QTMAN: variants seen among roughly 807,000 people sequenced by gnomAD.
The protein encoded by QTMAN is queuosine-tRNA mannosyltransferase.
At chr2:144,142,242 T>C in the QTMAN span, among the ~76,000 whole-genome samples, 2 of 151,960 alleles carry the variant, frequency 1.3e-5, no homozygotes, top group Admixed American at 6.6e-5. Flanking sequence ...TAGTGTTATA[T>C]CACAGGGAGT....
the QTMAN span, among the ~76,000 whole-genome samples, chr2:144,184,397 C>T: frequency 6.6e-6 from 1 of 152,054 alleles, no homozygotes; most frequent in African/African-American, 2.4e-5. Flanking sequence ...ACAATATTTG[C>T]TCATAATTCC....
chr2:143,946,825 C>T, the QTMAN span: 7 of 528,502 alleles, frequency 1.3e-5, no homozygotes, highest in South Asian at 6.0e-5. Context: ...ACCATCATAA[C>T]GTCTCTAGGA....
chr2:143,948,527 G>T, the QTMAN span, among the ~76,000 whole-genome samples: 1 of 151,994 alleles, frequency 6.6e-6, no homozygotes, highest in East Asian at 1.9e-4. Flanking sequence ...TGTCAGTCTG[G>T]ATAATGTCTA....
chr2:144,314,111 G>A, the QTMAN span, among the ~76,000 whole-genome samples: 1 of 152,102 alleles, frequency 6.6e-6, no homozygotes, highest in East Asian at 1.9e-4. Context: ...TGTTTATAGT[G>A]ATATGATTTG....
chr2:144,329,294 G>T, the QTMAN span, among the ~76,000 whole-genome samples: 1 of 150,400 alleles, frequency 6.6e-6, no homozygotes, highest in Non-Finnish European at 1.5e-5. Context: ...AAAAAAAAAA[G>T]AAGAGGTAAG....
the QTMAN span, among the ~76,000 whole-genome samples, chr2:144,127,461 A>G: frequency 2.6e-5 from 4 of 152,086 alleles, no homozygotes; most frequent in Admixed American, 1.3e-4. Context: ...GTTAGTCATG[A>G]GGGAAGAGAT....
the QTMAN span, among the ~76,000 whole-genome samples, chr2:144,035,427 G>A: frequency 6.6e-6 from 1 of 152,156 alleles, no homozygotes; most frequent in Non-Finnish European, 1.5e-5. Flanking sequence ...CAAAAATATT[G>A]TACTCTTCTT....
chr2:144,119,358 C>T, the QTMAN span, among the ~76,000 whole-genome samples: 8 of 152,194 alleles, frequency 5.3e-5, no homozygotes, highest in African/African-American at 1.9e-4. Context: ...AAATACAAGT[C>T]AGGCCATGTC....
At chr2:144,199,515 C>CA in the QTMAN span, among the ~76,000 whole-genome samples, 1 of 151,996 alleles carries the variant, frequency 6.6e-6, no homozygotes, top group African/African-American at 2.4e-5. Flanking sequence ...TTTGAAAAGG[C>CA]AAATAATCAT....
At chr2:143,991,493 C>T in the QTMAN span, among the ~76,000 whole-genome samples, 1 of 146,058 alleles carries the variant, frequency 6.8e-6, no homozygotes, top group African/African-American at 2.5e-5. Context: ...GCGCCTCTGC[C>T]CGGCCACCCC....
the QTMAN span, among the ~76,000 whole-genome samples, chr2:144,200,239 G>A: frequency 6.6e-6 from 1 of 152,276 alleles, no homozygotes; most frequent in South Asian, 2.1e-4. Context: ...TTAAAAAAAA[G>A]TTTAAACAAT....
chr2:144,191,717 A>C, the QTMAN span, among the ~76,000 whole-genome samples: 1 of 152,214 alleles, frequency 6.6e-6, no homozygotes, highest in African/African-American at 2.4e-5. Flanking sequence ...TTTCTGAGGC[A>C]AATCTATGAT....
At chr2:144,245,896 T>C in the QTMAN span, among the ~76,000 whole-genome samples, 3 of 152,208 alleles carry the variant, frequency 2.0e-5, no homozygotes, top group East Asian at 5.8e-4. Flanking sequence ...GTAGATTAGT[T>C]CATCATATGC....
chr2:144,301,216 G>A, the QTMAN span, among the ~76,000 whole-genome samples: 1 of 151,884 alleles, frequency 6.6e-6, no homozygotes, highest in Non-Finnish European at 1.5e-5. Flanking sequence ...GTTTTGTCTT[G>A]TTTTTTTGTT....
chr2:144,018,991 C>A, the QTMAN span, among the ~76,000 whole-genome samples: 14 of 152,108 alleles, frequency 9.2e-5, no homozygotes, highest in African/African-American at 3.4e-4. Flanking sequence ...TGCATAAAGC[C>A]CAGGGCAAGA....
At chr2:144,148,279 A>C in the QTMAN span, among the ~76,000 whole-genome samples, 1 of 151,806 alleles carries the variant, frequency 6.6e-6, no homozygotes, top group Admixed American at 6.6e-5. Flanking sequence ...GCTACTACTA[A>C]TAATAAATAT....
the QTMAN span, among the ~76,000 whole-genome samples, chr2:144,203,150 A>AGTGT: frequency 0.082 from 11,878 of 145,478 alleles, 503 homozygotes; most frequent in East Asian, 0.12. Context: ...TACAATGAAG[A>AGTGT]GTGTGTGTGT....
At chr2:144,082,283 A>G in the QTMAN span, among the ~76,000 whole-genome samples, 1 of 152,206 alleles carries the variant, frequency 6.6e-6, no homozygotes, top group Admixed American at 6.5e-5. Flanking sequence ...AAAAAAGAGC[A>G]AACATATAAG....
chr2:144,093,876 G>C, the QTMAN span, among the ~76,000 whole-genome samples: 1 of 152,066 alleles, frequency 6.6e-6, no homozygotes, highest in African/African-American at 2.4e-5. Flanking sequence ...TCTTTGAAAT[G>C]GTGAATATAT....
Sources: gnomAD v4.1 joint callset for allele counts (sites outside exome capture counted in the v4.1 genomes callset) on GRCh38, gnomAD v4.1.1 for gene constraint, MANE v1.5 for transcripts, NCBI Gene and HGNC (gene_info 2026-07-23, HGNC 2026-07-21) for gene names.